LRMDA: variants seen among roughly 807,000 people sequenced by gnomAD.
LRMDA encodes the protein leucine rich melanocyte differentiation associated, also known as leucine-rich melanocyte differentiation-associated protein.
In LRMDA, 18 loss-of-function variants were observed where a neutral mutation model predicts 29.8. The ratio of observed to expected loss-of-function variants is 0.60; its 90% CI spans 0.42 to 0.90. The LOEUF (loss-of-function observed/expected upper bound fraction) is 0.90. LRMDA is among the 40% of genes least tolerant of loss of function. The pLI is 0.00. For synonymous variants in LRMDA, 125 were observed against 109.4 expected (o/e 1.14, Z -0.89); for missense variants, 273 against 273.9 (o/e 1.00, Z 0.02).
intron 2 of LRMDA, among the ~76,000 whole-genome samples, chr10:75,920,695 G>A (rs1799536111): frequency 6.6e-6 from 1 of 152,114 alleles, no homozygotes; most frequent in Admixed American, 6.5e-5. Context: ...AGATTTTCTA[G>A]CACAAAGAGC....
At chr10:75,915,120 CTTTTTTTTTTTTTT>C (rs71024579) in intron 2 of LRMDA, among the ~76,000 whole-genome samples, 13 of 75,216 alleles carry the variant, frequency 1.7e-4, no homozygotes, top group African/African-American at 3.3e-4. Context: ...GTCTAACCTT[CTTTTTTTTTTTTTT>C]TTTTTTTTTT....
At chr10:76,548,413 A>G (rs1249802110) in intron 6 of LRMDA, among the ~76,000 whole-genome samples, 10 of 151,632 alleles carry the variant, frequency 6.6e-5, no homozygotes, top group African/African-American at 2.2e-4. Flanking sequence ...GGAAGTCAAG[A>G]ATAAAAACTG....
intron 4 of LRMDA, 57 bp downstream of exon 4, chr10:76,047,360 G>A: frequency 6.6e-7 from 1 of 1,513,020 alleles, no homozygotes. Context: ...AACTTTAGGG[G>A]ATGATATTAT....
intron 4 of LRMDA, among the ~76,000 whole-genome samples, chr10:76,054,095 G>A (rs1319563023): frequency 1.3e-5 from 2 of 152,182 alleles, no homozygotes; most frequent in Admixed American, 1.3e-4. Flanking sequence ...ACTTGACTCA[G>A]GTCCTGACAC....
Position 76,498,296 on chromosome 10 carries a change from A to AC in LRMDA, c.602-58912dup, listed in dbSNP as rs1276446074. On this transcript the variant is annotated intron_variant, in intron 6 of 6. Transcript: ENST00000611255. ...AAGGCCTCTCATAAATCCAAGCCAA[A>AC]CACTGTGTTAGGAGGTTCCTTAGAT... Among the ~76,000 whole-genome samples, 14 of 75,664 alleles carry AC rather than the reference A, an allele frequency of 1.9e-4. 5 individuals carry two copies. The highest frequency in any genetic ancestry group is 3.9e-4 in the African/African-American group (12 of 31,142). 49.6% of individuals were successfully genotyped at this position (75,664 alleles called of 152,430 possible). A position where few individuals can be genotyped will look rare whatever the true frequency, so the allele number is the denominator to read the frequency against.
chr10:76,006,141 C>T (rs1331133173), intron 2 of LRMDA, among the ~76,000 whole-genome samples: 1 of 152,106 alleles, frequency 6.6e-6, no homozygotes, highest in Non-Finnish European at 1.5e-5. Context: ...ACCCTGTCTT[C>T]AGAGTCTGTG....
Position 76,222,969 on chromosome 10 carries a change from A to G in LRMDA, c.517-101432A>G, listed in dbSNP as rs576567079. On this transcript the variant is annotated intron_variant, in intron 5 of 6. Coordinates refer to ENST00000611255, the MANE Select transcript of LRMDA (RefSeq NM_001305581.2). The stretch of plus-strand genomic sequence containing the variant: ...TGATGAGTTCATGTCCTTTGTAGGG[A>G]CATAGATGAAATTGGAAATCATCAT... Among the ~76,000 whole-genome samples the G allele has an allele frequency of 1.0e-3, 158 of 152,312 alleles. 1 individual carries two copies. Among genetic ancestry groups the G allele is most frequent in the Middle Eastern group, 0.01 (3 of 294 alleles).
intron 5 of LRMDA, among the ~76,000 whole-genome samples, chr10:76,266,188 A>G (rs1840004608): frequency 6.6e-6 from 1 of 152,212 alleles, no homozygotes; most frequent in Non-Finnish European, 1.5e-5. Context: ...TTGGCATATA[A>G]TAAGTACACA....
rs189702491 is a variant in LRMDA at position 75,753,138 on chromosome 10, G to T, written c.132-282870G>T. ...GTTGTTGCAAGTTAGATAATCTGAA[G>T]GTACCCTGTTCATTTTTAAAGCCCT... On this transcript the variant is annotated intron_variant, in intron 2 of 6. Coordinates refer to ENST00000611255, the MANE Select transcript of LRMDA (RefSeq NM_001305581.2). Among the ~76,000 whole-genome samples, 3 of 152,184 alleles carry T rather than the reference G, an allele frequency of 2.0e-5. No individual in the cohort carries two copies. The South Asian group carries it at 6.2e-4, about 32-fold the overall frequency.
intron 6 of LRMDA, among the ~76,000 whole-genome samples, chr10:76,363,149 GAA>G (rs1278701159): frequency 0.032 from 1,200 of 37,508 alleles, 35 homozygotes; most frequent in Non-Finnish European, 0.047. Flanking sequence ...AAGAAAGAAA[GAA>G]AGAAAGAAAG....
chr10:75,847,756 A>C (rs912477258), intron 2 of LRMDA, among the ~76,000 whole-genome samples: 1 of 152,236 alleles, frequency 6.6e-6, no homozygotes, highest in Non-Finnish European at 1.5e-5. Flanking sequence ...ATGATTCAAC[A>C]TCACTAATCA....
intron 2 of LRMDA, among the ~76,000 whole-genome samples, chr10:75,878,483 G>T (rs556942069): frequency 2.1e-4 from 32 of 151,958 alleles, no homozygotes; most frequent in African/African-American, 7.5e-4. Context: ...GCGTCATCCC[G>T]CCTCAAAGGC....
At chr10:76,047,870 G>A (rs547922793) in intron 4 of LRMDA, among the ~76,000 whole-genome samples, 11 of 152,300 alleles carry the variant, frequency 7.2e-5, no homozygotes, top group South Asian at 2.1e-4. Context: ...GAGCTATGCC[G>A]TGGCGCCCAC....
At chr10:76,158,321 T>G (rs1319222928) in intron 5 of LRMDA, among the ~76,000 whole-genome samples, 1 of 152,146 alleles carries the variant, frequency 6.6e-6, no homozygotes, top group East Asian at 1.9e-4. Flanking sequence ...TATAAAACCT[T>G]CTAAACCAGG....
chr10:76,360,661 T>C (rs1241983526), intron 6 of LRMDA, among the ~76,000 whole-genome samples: 1 of 152,180 alleles, frequency 6.6e-6, no homozygotes, highest in Non-Finnish European at 1.5e-5. Context: ...ATTCTTACAT[T>C]GTAAGTGAGG....
At chr10:76,147,578 C>T (rs1384696622) in intron 5 of LRMDA, among the ~76,000 whole-genome samples, 1 of 151,978 alleles carries the variant, frequency 6.6e-6, no homozygotes, top group Non-Finnish European at 1.5e-5. Flanking sequence ...TTCTAGTTAT[C>T]CATTCGTCTA....
At chr10:75,693,682 A>G (rs1347966347) in intron 2 of LRMDA, among the ~76,000 whole-genome samples, 2 of 152,286 alleles carry the variant, frequency 1.3e-5, no homozygotes, top group South Asian at 4.1e-4. Context: ...AATTGATATA[A>G]TGACTTAATG....
At chr10:76,278,650 C>G (rs1392218127) in intron 5 of LRMDA, among the ~76,000 whole-genome samples, 1 of 152,198 alleles carries the variant, frequency 6.6e-6, no homozygotes, top group Non-Finnish European at 1.5e-5. Context: ...CCCCATGTTT[C>G]TTGTTCATTG....
At chr10:76,205,022 T>C (rs1261981411) in intron 5 of LRMDA, among the ~76,000 whole-genome samples, 2 of 152,160 alleles carry the variant, frequency 1.3e-5, no homozygotes, top group Non-Finnish European at 1.5e-5. Context: ...TAATAAGTAG[T>C]CATTTTCATA....
Sources: allele counts gnomAD v4.1 joint callset (sites outside exome capture counted in the v4.1 genomes callset), GRCh38; gene constraint gnomAD v4.1.1; transcripts MANE v1.5; gene names NCBI Gene and HGNC (gene_info 2026-07-23, HGNC 2026-07-21).